Variants in TEX15 observed in about 807,000 individuals in gnomAD.
TEX15 encodes testis expressed 15, meiosis and synapsis associated, also known as testis-expressed protein 15.
A neutral mutation model predicts 237.3 loss-of-function variants in TEX15; 171 were observed. The ratio of observed to expected loss-of-function variants is 0.72; its 90% CI spans 0.64 to 0.82. The LOEUF is 0.82. TEX15 is among the 40% of genes least tolerant of loss of function. TEX15 has a pLI of 0.00. For missense variants in TEX15, 3,750 were observed against 3,646.5 expected, an observed-to-expected ratio of 1.03 and a Z score of -0.73; for synonymous variants, 1,338 against 1,269.8, an observed-to-expected ratio of 1.05 and a Z score of -1.14.
chr8:30,860,111 T>A, intron 5 of TEX15, 54 bp from the exon 6 acceptor site: 1 of 1,337,132 alleles, frequency 7.5e-7, no homozygotes, highest in Non-Finnish European at 9.8e-7. Context: ...AAAACGTTTC[T>A]AAACTGTCAC....
chr8:30,893,032 C>CAAAA (rs60813874), intron 2 of TEX15, among the ~76,000 whole-genome samples: 1 of 81,356 alleles, frequency 1.2e-5, no homozygotes, highest in Non-Finnish European at 2.8e-5. Context: ...GACTCTGCCT[C>CAAAA]AAAAAAAAAA....
At chr8:30,911,994 C>T (rs936385674) in intron 1 of TEX15, among the ~76,000 whole-genome samples, 3 of 152,182 alleles carry the variant, frequency 2.0e-5, no homozygotes, top group Admixed American at 1.3e-4. Context: ...CGAAGCAGCC[C>T]TGCAAAACCT....
In TEX15 at chr8:30,842,669, C is replaced by T. The variant is rs745533464; in HGVS notation, c.7498G>A (p.Asp2500Asn). 24 of 1,612,514 alleles carry T rather than the reference C, an allele frequency of 1.5e-5. No individual in the cohort carries two copies. In the African/African-American group the frequency reaches 2.9e-4, roughly 20 times the overall value. ...EKMASFSFLK[D>N]NSTDVCLWKV... ...CAAAGGCAAACATCTGTTGAGTTAT[C>T]TTTAAGAAATGAAAAAGAAGCCATT... is the stretch of plus-strand genomic sequence containing the variant. Residue 2500 changes from aspartate to asparagine, a missense_variant, in exon 8 of 11, where the codon GAT becomes AAT. Physicochemically the swap from Asp to Asn is conservative, Grantham distance 23 (BLOSUM62 1). Transcript: ENST00000643185.
chr8:30,904,875 A>G (rs1271287925), intron 1 of TEX15, among the ~76,000 whole-genome samples: 1 of 152,220 alleles, frequency 6.6e-6, no homozygotes, highest in African/African-American at 2.4e-5. Context: ...TTACTTGATA[A>G]GGTTAAAACA....
In TEX15 at chr8:30,863,700, T is replaced by C. The variant is rs76107108; in HGVS notation, c.540+3565A>G. Among the ~76,000 whole-genome samples the C allele has an allele frequency of 7.9e-5, 12 of 151,762 alleles. No homozygotes were observed. In the East Asian group the frequency reaches 2.3e-3, roughly 29 times the overall value. On this transcript the variant is annotated intron_variant, in intron 5 of 10. Transcript: ENST00000643185. ...AAAAAAAATACTACTCAAAAGCAAC[T>C]ACAGATACAGGAGAAATTAGAAAAT...
intron 2 of TEX15, among the ~76,000 whole-genome samples, chr8:30,898,440 G>A (rs1808948025): frequency 6.6e-6 from 1 of 152,152 alleles, no homozygotes; most frequent in Non-Finnish European, 1.5e-5. Context: ...CACTGAATCT[G>A]CCAGCACCTT....
At chr8:30,883,404 T>C (rs936006951) in intron 3 of TEX15, among the ~76,000 whole-genome samples, 6 of 152,106 alleles carry the variant, frequency 3.9e-5, no homozygotes, top group African/African-American at 1.4e-4. Context: ...CTTTAAGTTC[T>C]GGGGTGCATG....
chr8:30,908,122 C>T (rs1809146489), intron 1 of TEX15, among the ~76,000 whole-genome samples: 2 of 152,176 alleles, frequency 1.3e-5, no homozygotes, highest in South Asian at 4.1e-4. Context: ...TGGGGTCTCA[C>T]TACGTTGCCC....
intron 7 of TEX15, among the ~76,000 whole-genome samples, chr8:30,851,395 G>A (rs1308868739): frequency 1.3e-5 from 2 of 152,116 alleles, no homozygotes; most frequent in South Asian, 2.1e-4. Context: ...TTTGGGAGGC[G>A]GAGGCGGGCA....
Position 30,848,791 on chromosome 8 carries a change from T to G in TEX15, c.1376A>C (p.Glu459Ala). Residue 459 changes from glutamate (E) to alanine (A), a missense_variant, in exon 8 of 11, where the codon GAG becomes GCG. Glu to Ala is a moderately radical substitution (Grantham distance 107). Coordinates refer to ENST00000643185, the MANE Select transcript of TEX15 (RefSeq NM_001350162.2). ...TAGLNEVLQF[E>A]KSSDNVNSEI... ...TGAATTAACATTATCTGAACTCTTC[T>G]CAAATTGCAAAACCTCATTTAAGCC... The G allele has an allele frequency of 6.2e-7, 1 of 1,614,198 alleles. No homozygotes were observed. The highest frequency in any genetic ancestry group is 8.5e-7 in the Non-Finnish European group (1 of 1,180,040).
chr8:30,847,374 T>C lies in TEX15; in HGVS notation c.2793A>G (p.Ala931=). 1 of 1,613,696 alleles carries C rather than the reference T, an allele frequency of 6.2e-7. No individual in the cohort carries two copies. The highest frequency in any genetic ancestry group is 1.3e-5 in the African/African-American group (1 of 75,054). Residue 931 remains alanine (A), a synonymous_variant, in exon 8 of 11, where the codon GCA becomes GCG. Coordinates refer to ENST00000643185, the MANE Select transcript of TEX15 (RefSeq NM_001350162.2). The part of the protein sequence containing the change: ...KFNLICREDN[A]VSAATALLES... ...CTAATAATGCAGTTGCTGCTGACAC[T>C]GCATTATCTTCTCTGCAAATCAAGT...
intron 3 of TEX15, among the ~76,000 whole-genome samples, chr8:30,883,732 T>G (rs1304260845): frequency 6.6e-6 from 1 of 152,232 alleles, no homozygotes; most frequent in Non-Finnish European, 1.5e-5. Context: ...CCACATTTTC[T>G]TAATCCAGTC....
chr8:30,845,585 T>C lies in TEX15; in HGVS notation c.4582A>G (p.Thr1528Ala). 6.2e-7 allele frequency: 1 copy of C among 1,613,664 alleles called. No homozygotes were observed. The highest frequency in any genetic ancestry group is 8.5e-7 in the Non-Finnish European group (1 of 1,179,620). ...CTATTATAATAAACTGACTGACTTG[T>C]ACTTTGGGATGTGGAGGATACAGGC... Reference protein sequence around the residue: ...QLPVSSTSQSTSQSVYYNSSV... With the variant: ...QLPVSSTSQSASQSVYYNSSV... The change falls in exon 8 of 11, where the codon ACA becomes GCA. Residue 1528 changes from threonine to alanine, a missense_variant. By Grantham distance (58) the Thr-to-Ala change is moderately conservative. Transcript: ENST00000643185.
At chr8:30,834,213 C>G (rs957588600) in intron 10 of TEX15, among the ~76,000 whole-genome samples, 1 of 152,186 alleles carries the variant, frequency 6.6e-6, no homozygotes, top group African/African-American at 2.4e-5. Flanking sequence ...AACCTTGTCG[C>G]CCAGTATGGA....
chr8:30,838,003 G>A lies in TEX15; in HGVS notation c.8281C>T (p.Leu2761=). 1.2e-6 allele frequency: 2 copies of A among 1,614,010 alleles called. No homozygotes were observed. The highest frequency in any genetic ancestry group is 1.7e-6 in the Non-Finnish European group (2 of 1,179,976). The change falls in exon 10 of 11, where the codon CTG becomes TTG. Residue 2761 remains leucine, a synonymous_variant. Coordinates refer to ENST00000643185, the MANE Select transcript of TEX15 (RefSeq NM_001350162.2). ...NKIVPSSCDS[L]KRNHLTPKKV... Reference sequence around the variant, plus strand: ...TTTGGCGTTAAATGATTTCTTTTCAGACTGTCACATGAACTTGGTACTATT... The same window carrying A: ...TTTGGCGTTAAATGATTTCTTTTCAAACTGTCACATGAACTTGGTACTATT...
At chr8:30,910,872 G>T (rs913847029) in intron 1 of TEX15, among the ~76,000 whole-genome samples, 7 of 152,066 alleles carry the variant, frequency 4.6e-5, no homozygotes, top group African/African-American at 1.7e-4. Context: ...ATAAGGTAAA[G>T]AAAGATCTAT....
chr8:30,856,272 G>A (rs751656599), intron 7 of TEX15, among the ~76,000 whole-genome samples: 1 of 151,910 alleles, frequency 6.6e-6, no homozygotes, highest in African/African-American at 2.4e-5. Context: ...TGTGAGCTTC[G>A]GCAGGGTTCG....
At position 30,848,968 on chromosome 8, in the gene TEX15, C is replaced by A. The variant is rs756206909; in HGVS notation, c.1199G>T (p.Trp400Leu). 18 of 1,613,924 alleles carry A rather than the reference C, an allele frequency of 1.1e-5. No individual in the cohort carries two copies. Among genetic ancestry groups the A allele is most frequent in the Admixed American group, 6.7e-5 (4 of 60,000 alleles). ...DSVNGDLLLN[W>L]TSLKNILSGL... ...ACTTAAAATATTTTTAAGACTTGTC[C>A]AATTTAACAAAAGGTCACCATTAAC... The change falls in exon 8 of 11, where the codon TGG becomes TTG. Residue 400 changes from tryptophan (W) to leucine (L), a missense_variant. Coordinates refer to ENST00000643185, the MANE Select transcript of TEX15 (RefSeq NM_001350162.2).
rs774816268 is a variant in TEX15, at chr8:30,847,152, G to A, written c.3015C>T (p.Tyr1005=). 6 of 1,613,808 alleles carry A rather than the reference G, an allele frequency of 3.7e-6. 1 individual carries two copies. In the South Asian group the frequency reaches 5.5e-5, roughly 15 times the overall value. Residue 1005 remains tyrosine, a synonymous_variant, in exon 8 of 11, where the codon TAC becomes TAT. Coordinates refer to ENST00000643185, the MANE Select transcript of TEX15 (RefSeq NM_001350162.2). ...CAGAAGAACAAGTTTCTTTAAACTGGTATATCTGGTGATCGTCATTATTTA... is the reference window on the plus strand; with the variant it reads ...CAGAAGAACAAGTTTCTTTAAACTGATATATCTGGTGATCGTCATTATTTA... ...LSLNNDDHQI[Y]QFKETCSSES...
Sources: allele counts gnomAD v4.1 joint callset (sites outside exome capture counted in the v4.1 genomes callset), GRCh38; gene constraint gnomAD v4.1.1; transcripts MANE v1.5; gene names NCBI Gene and HGNC (gene_info 2026-07-23, HGNC 2026-07-21).